B3GALT1: variants seen among roughly 807,000 people sequenced by gnomAD.
B3GALT1 encodes UDP-Gal:betaGlcNAc beta 1,3-galactosyltransferase, polypeptide 1.
B3GALT1 carries 10 observed loss-of-function variants against 23.2 expected under a neutral mutation model. The ratio of observed to expected loss-of-function variants is 0.43; its 90% CI spans 0.27 to 0.73. The LOEUF (loss-of-function observed/expected upper bound fraction) is 0.73, where lower values mean the gene tolerates loss of function less well. Among genes scored for constraint, B3GALT1 ranks in the 30% least tolerant of loss-of-function variants. The pLI is 0.21. For missense variants in B3GALT1, 299 were observed against 405.4 expected (o/e 0.74, Z 2.25); for synonymous variants, 156 against 141.5 (o/e 1.10, Z -0.73).
intron 1 of B3GALT1, among the ~76,000 whole-genome samples, chr2:167,460,887 G>A (rs905205784): frequency 2.0e-5 from 3 of 152,088 alleles, no homozygotes; most frequent in Non-Finnish European, 4.4e-5. Flanking sequence ...GCCTTTCCCT[G>A]AGCTTGTACA....
chr2:167,789,512 T>C (rs962829357), intron 3 of B3GALT1, among the ~76,000 whole-genome samples: 1 of 152,180 alleles, frequency 6.6e-6, no homozygotes, highest in Non-Finnish European at 1.5e-5. Context: ...TCATAAATTC[T>C]AGAGAACGGT....
chr2:167,789,909 G>A (rs1688404416), intron 3 of B3GALT1, among the ~76,000 whole-genome samples: 1 of 152,118 alleles, frequency 6.6e-6, no homozygotes, highest in Non-Finnish European at 1.5e-5. Flanking sequence ...GGGTGACCGT[G>A]CGGTAGGCCC....
At chr2:167,500,931 T>C (rs1188740742) in intron 2 of B3GALT1, among the ~76,000 whole-genome samples, 2 of 152,176 alleles carry the variant, frequency 1.3e-5, no homozygotes, top group African/African-American at 4.8e-5. Context: ...AAGTCTACCA[T>C]ACTATCTGGG....
At chr2:167,803,581 T>A (rs1244218635) in intron 3 of B3GALT1, among the ~76,000 whole-genome samples, 1 of 152,178 alleles carries the variant, frequency 6.6e-6, no homozygotes, top group African/African-American at 2.4e-5. Context: ...AGAAATATGC[T>A]GGTGCTGTGA....
At chr2:167,579,834 C>T (rs1214666837) in intron 2 of B3GALT1, among the ~76,000 whole-genome samples, 1 of 151,994 alleles carries the variant, frequency 6.6e-6, no homozygotes, top group African/African-American at 2.4e-5. Context: ...CTTTAAAGTC[C>T]CTCACCTTTA....
intron 1 of B3GALT1, among the ~76,000 whole-genome samples, chr2:167,305,697 G>A (rs1559060931): frequency 1.3e-5 from 2 of 152,004 alleles, no homozygotes; most frequent in Admixed American, 6.6e-5. Flanking sequence ...ATCTATTAGC[G>A]TGCTTTGTGT....
intron 4 of B3GALT1, among the ~76,000 whole-genome samples, chr2:167,867,467 G>T (rs1690257583): frequency 6.6e-6 from 1 of 152,160 alleles, no homozygotes; most frequent in South Asian, 2.1e-4. Flanking sequence ...TATTCATTTA[G>T]TTAGAACGGT....
intron 2 of B3GALT1, among the ~76,000 whole-genome samples, chr2:167,631,133 T>G (rs951580949): frequency 6.6e-6 from 1 of 151,918 alleles, no homozygotes; most frequent in African/African-American, 2.4e-5. Flanking sequence ...CACAACCAAA[T>G]ATTTTTAAGT....
At chr2:167,542,765 T>C (rs1683553627) in intron 2 of B3GALT1, among the ~76,000 whole-genome samples, 1 of 151,924 alleles carries the variant, frequency 6.6e-6, no homozygotes, top group Admixed American at 6.6e-5. Flanking sequence ...ATCTTTTCAG[T>C]ACTGTAATAT....
intron 3 of B3GALT1, among the ~76,000 whole-genome samples, chr2:167,738,354 G>A (rs1360541672): frequency 6.6e-6 from 1 of 152,098 alleles, no homozygotes; most frequent in African/African-American, 2.4e-5. Flanking sequence ...CCAAGGAGTG[G>A]AAAATTCAAA....
chr2:167,483,834 G>C (rs1410743220), intron 1 of B3GALT1, among the ~76,000 whole-genome samples: 2 of 152,136 alleles, frequency 1.3e-5, no homozygotes, highest in African/African-American at 4.8e-5. Context: ...GTGTTCTTTT[G>C]GTTCATTATT....
intron 3 of B3GALT1, among the ~76,000 whole-genome samples, chr2:167,767,184 A>C (rs1445160168): frequency 6.6e-6 from 1 of 152,296 alleles, no homozygotes; most frequent in East Asian, 1.9e-4. Context: ...GAATTATGTA[A>C]GCTGAACCAA....
At chr2:167,629,274 CA>C (rs1334880851) in intron 2 of B3GALT1, among the ~76,000 whole-genome samples, 1 of 151,664 alleles carries the variant, frequency 6.6e-6, no homozygotes. Flanking sequence ...GTCCCATTGG[CA>C]AGGCCAGAAC....
chr2:167,720,079 G>T (rs1011765927), intron 3 of B3GALT1, among the ~76,000 whole-genome samples: 16 of 152,108 alleles, frequency 1.1e-4, no homozygotes, highest in Non-Finnish European at 1.3e-4. Context: ...TACATCATAT[G>T]TTGTGATTAA....
chr2:167,853,356 C>T (rs764411944), intron 4 of B3GALT1, among the ~76,000 whole-genome samples: 3 of 152,048 alleles, frequency 2.0e-5, no homozygotes, highest in Non-Finnish European at 4.4e-5. Context: ...ATTGAGAGTT[C>T]TCTATTTTTT....
At chr2:167,449,056 C>T (rs367679385) in intron 1 of B3GALT1, among the ~76,000 whole-genome samples, 93 of 152,148 alleles carry the variant, frequency 6.1e-4, no homozygotes, top group African/African-American at 2.1e-3. Flanking sequence ...GTTATTTTTG[C>T]TTAGTCTTCC....
intron 2 of B3GALT1, among the ~76,000 whole-genome samples, chr2:167,513,071 A>AG (rs1700051715): frequency 7.8e-6 from 1 of 127,668 alleles, no homozygotes; most frequent in Non-Finnish European, 1.6e-5. Context: ...CATGCCACAA[A>AG]AAAAAAAAAA....
chr2:167,779,568 T>C (rs142351133), intron 3 of B3GALT1, among the ~76,000 whole-genome samples: 3 of 152,368 alleles, frequency 2.0e-5, no homozygotes, highest in Non-Finnish European at 2.9e-5. Flanking sequence ...TAGTATTTAT[T>C]GATCATAGCT....
At chr2:167,612,649 A>AT (rs1433451636) in intron 2 of B3GALT1, among the ~76,000 whole-genome samples, 1 of 151,826 alleles carries the variant, frequency 6.6e-6, no homozygotes, top group Non-Finnish European at 1.5e-5. Flanking sequence ...ATTTTTTGCT[A>AT]TTTTCCAAAT....
Sources: gnomAD v4.1 joint callset for allele counts (sites outside exome capture counted in the v4.1 genomes callset) on GRCh38, gnomAD v4.1.1 for gene constraint, MANE v1.5 for transcripts, NCBI Gene and HGNC (gene_info 2026-07-23, HGNC 2026-07-21) for gene names.